Variants in GPHN observed in about 807,000 individuals in gnomAD.
The protein encoded by GPHN is gephyrin.
In GPHN, 17 loss-of-function variants were observed where a neutral mutation model predicts 95.5. The ratio of observed to expected loss-of-function variants is 0.18; its 90% CI spans 0.12 to 0.27. The LOEUF (loss-of-function observed/expected upper bound fraction) is 0.27, where lower values mean the gene tolerates loss of function less well. Ranked by LOEUF, GPHN falls within the 10% of genes least tolerant of loss-of-function variation. The probability of loss-of-function intolerance (pLI) is 1.00; values close to 1 mark genes in which losing one functional copy is unlikely to be tolerated. For missense variants in GPHN, 660 were observed against 978.1 expected, an observed-to-expected ratio of 0.67 and a Z score of 4.34; for synonymous variants, 320 against 322.5, an observed-to-expected ratio of 0.99 and a Z score of 0.08.
chr14:66,665,033 C>T (rs774570820), intron 1 of GPHN, among the ~76,000 whole-genome samples: 3 of 147,130 alleles, frequency 2.0e-5, no homozygotes, highest in Non-Finnish European at 4.5e-5. Context: ...GACGGCTTCA[C>T]AGCTGAATTC....
downstream of GPHN, among the ~76,000 whole-genome samples, chr14:67,183,343 C>T (rs757903969): frequency 5.3e-5 from 8 of 152,116 alleles, no homozygotes; most frequent in Non-Finnish European, 1.0e-4. Flanking sequence ...CAATAAAACA[C>T]ATTATGTAGA....
At chr14:67,320,238 A>G in the GPHN span, 1 of 1,608,132 alleles carries the variant, frequency 6.2e-7, no homozygotes, top group East Asian at 2.2e-5. Context: ...AGATTATGAC[A>G]ACGAGGAGAT....
At chr14:67,482,410 AT>A in the GPHN span, among the ~76,000 whole-genome samples, 1 of 152,200 alleles carries the variant, frequency 6.6e-6, no homozygotes, top group Non-Finnish European at 1.5e-5. Context: ...GACTCTGGGA[AT>A]TTTTGTCCAG....
intron 9 of GPHN, among the ~76,000 whole-genome samples, chr14:66,978,606 A>G (rs1335073244): frequency 1.3e-5 from 2 of 152,112 alleles, no homozygotes; most frequent in African/African-American, 4.8e-5. Context: ...TTCTTTTGCT[A>G]TTTCTACCAC....
At chr14:66,619,362 T>G (rs980585926) in intron 1 of GPHN, among the ~76,000 whole-genome samples, 2 of 152,174 alleles carry the variant, frequency 1.3e-5, no homozygotes, top group African/African-American at 4.8e-5. Flanking sequence ...TTTTTTCAGA[T>G]CCTTACCCAC....
At chr14:66,684,905 C>T (rs2067240352) in intron 2 of GPHN, among the ~76,000 whole-genome samples, 1 of 152,096 alleles carries the variant, frequency 6.6e-6, no homozygotes, top group African/African-American at 2.4e-5. Context: ...CCCCTCTCAC[C>T]CCACCCCACA....
chr14:67,026,373 A>G (rs1334983147), intron 10 of GPHN, among the ~76,000 whole-genome samples: 1 of 152,144 alleles, frequency 6.6e-6, no homozygotes, highest in East Asian at 1.9e-4. Flanking sequence ...AATTACCATT[A>G]TTTTCTTGAT....
the GPHN span, among the ~76,000 whole-genome samples, chr14:67,356,031 A>G: frequency 3.9e-5 from 6 of 152,130 alleles, no homozygotes; most frequent in African/African-American, 1.2e-4. Flanking sequence ...AAATTCAACA[A>G]TAAGGTTGTA....
chr14:67,187,765 C>T, the GPHN span, among the ~76,000 whole-genome samples: 9 of 152,204 alleles, frequency 5.9e-5, no homozygotes, highest in African/African-American at 2.2e-4. Flanking sequence ...TGCCTTTGCT[C>T]AGACTGACTA....
the GPHN span, among the ~76,000 whole-genome samples, chr14:67,272,697 C>T: frequency 6.6e-6 from 1 of 152,334 alleles, no homozygotes; most frequent in South Asian, 2.1e-4. Context: ...CTCGCGCTGT[C>T]TCCCAGGCTG....
intron 1 of GPHN, among the ~76,000 whole-genome samples, chr14:66,666,678 C>G (rs970577360): frequency 1.2e-4 from 19 of 152,168 alleles, no homozygotes; most frequent in African/African-American, 4.6e-4. Flanking sequence ...CAGCCAACAT[C>G]ATACTGAATG....
At chr14:67,327,298 A>T in the GPHN span, among the ~76,000 whole-genome samples, 1 of 152,154 alleles carries the variant, frequency 6.6e-6, no homozygotes, top group Admixed American at 6.5e-5. Flanking sequence ...TTGCCGGATC[A>T]AGTGAGGTAA....
intron 2 of GPHN, among the ~76,000 whole-genome samples, chr14:66,713,645 AT>A (rs967871637): frequency 5.5e-5 from 8 of 146,286 alleles, no homozygotes; most frequent in Non-Finnish European, 1.1e-4. Flanking sequence ...GAATGTTAGA[AT>A]TTTTTTTTTC....
chr14:66,674,033 A>C (rs371634957), intron 1 of GPHN, among the ~76,000 whole-genome samples: 2 of 152,096 alleles, frequency 1.3e-5, no homozygotes, highest in African/African-American at 4.8e-5. Flanking sequence ...GAAAATATAC[A>C]ATAAATTCTA....
In GPHN at chr14:66,769,525, G is replaced by A. The variant is rs2059087040; in HGVS notation, c.144-6939G>A. Among the ~76,000 whole-genome samples the A allele has an allele frequency of 1.3e-5, 2 of 151,984 alleles. 1 individual carries two copies. Among genetic ancestry groups the A allele is most frequent in the South Asian group, 4.2e-4 (2 of 4,814 alleles). On this transcript the variant is annotated intron_variant, in intron 2 of 22. Coordinates refer to ENST00000478722, the MANE Select transcript of GPHN (RefSeq NM_020806.5). ...CGGTGTGTGTTGTTCCCTTCTATGTGTTCATGTGTTCTCATCATTTAGCTC... is the reference window on the plus strand; with the variant it reads ...CGGTGTGTGTTGTTCCCTTCTATGTATTCATGTGTTCTCATCATTTAGCTC...
At chr14:67,566,749 GAAAA>G in the GPHN span, among the ~76,000 whole-genome samples, 1 of 134,216 alleles carries the variant, frequency 7.5e-6, no homozygotes, top group Non-Finnish European at 1.6e-5. Context: ...ACCCTGTCTT[GAAAA>G]AAAAAAAAAA....
chr14:67,198,208 A>G, the GPHN span: 5 of 1,613,918 alleles, frequency 3.1e-6, no homozygotes, highest in South Asian at 5.5e-5. Flanking sequence ...AATAAGCAAG[A>G]TGCTCTCTGC....
intron 1 of GPHN, among the ~76,000 whole-genome samples, chr14:66,623,137 T>C (rs2153320652): frequency 6.6e-6 from 1 of 152,302 alleles, no homozygotes; most frequent in South Asian, 2.1e-4. Context: ...GAGGAGCTTG[T>C]ATGGCAGTGG....
chr14:67,445,574 A>ATTATTTTTTTTTTTTTTTTTTTTTTTTTT, the GPHN span, among the ~76,000 whole-genome samples: 1 of 98,730 alleles, frequency 1.0e-5, no homozygotes, highest in African/African-American at 4.6e-5. Flanking sequence ...AAGAGAGGCA[A>ATTATTTTTTTTTTTTTTTTTTTTTTTTTT]TTCTTTTTTT....
Sources: allele counts gnomAD v4.1 joint callset (sites outside exome capture counted in the v4.1 genomes callset), GRCh38; gene constraint gnomAD v4.1.1; transcripts MANE v1.5; gene names NCBI Gene and HGNC (gene_info 2026-07-23, HGNC 2026-07-21).